Variants in SRSF11 observed in about 807,000 individuals in gnomAD.
SRSF11 encodes the protein serine and arginine rich splicing factor 11.
In SRSF11, 9 loss-of-function variants were observed where a neutral mutation model predicts 56.0. That is an observed-to-expected ratio of 0.16 (90% confidence interval 0.10 to 0.28). The LOEUF is 0.28. Ranked by LOEUF, SRSF11 falls within the 10% of genes least tolerant of loss-of-function variation. The probability of loss-of-function intolerance (pLI) is 1.00; values close to 1 mark genes in which losing one functional copy is unlikely to be tolerated. For synonymous variants in SRSF11, 222 were observed against 215.3 expected (o/e 1.03, Z -0.27); for missense variants, 421 against 600.7 (o/e 0.70, Z 3.13).
At chr1:70,244,846 G>C (rs1676369455) in intron 8 of SRSF11, 31 bp downstream of exon 8, 1 of 1,612,316 alleles carries the variant, frequency 6.2e-7, no homozygotes, top group African/African-American at 1.3e-5. Flanking sequence ...GCAAATTTTA[G>C]GGTTCCCAGT....
Position 70,250,655 on chromosome 1 carries a change from G to A in SRSF11, c.1305G>A (p.Glu435=). The change falls in exon 12 of 12, where the codon GAG becomes GAA. Residue 435 remains glutamate, a synonymous_variant. Coordinates refer to ENST00000370949, the MANE Select transcript of SRSF11 (RefSeq NM_001350605.2). ...AAGAGGAACAGGGGTATGACAGTGAGAAAGAGAAAAAAGAAGAGAAGAAAC... is the reference window on the plus strand; with the variant it reads ...AAGAGGAACAGGGGTATGACAGTGAAAAAGAGAAAAAAGAAGAGAAGAAAC... ...YDEEEQGYDS[E]KEKKEEKKPI... 6.2e-7 allele frequency: 1 copy of A among 1,613,862 alleles called. No individual in the cohort carries two copies. The highest frequency in any genetic ancestry group is 8.5e-7 in the Non-Finnish European group (1 of 1,179,928).
chr1:70,250,570 T>G (rs1253539539), intron 11 of SRSF11, 38 bp from the exon 12 acceptor site: 2 of 1,608,882 alleles, frequency 1.2e-6, no homozygotes, highest in South Asian at 2.2e-5. Flanking sequence ...GTTATTTTTC[T>G]TTGGAGAAGT....
intron 8 of SRSF11, among the ~76,000 whole-genome samples, chr1:70,245,380 A>G (rs1676514206): frequency 6.6e-6 from 1 of 152,198 alleles, no homozygotes; most frequent in African/African-American, 2.4e-5. Flanking sequence ...GAAGCATAAA[A>G]CTCAACTGAT....
rs183720002 is a variant in SRSF11, at chr1:70,221,617, G to T, written c.-20G>T. ...GTGTGTTTGATGTGTTAAAGCAGGA[G>T]CGAGAACCCGAGCAGCGCCATGAGC... On this transcript the variant is annotated 5_prime_UTR_variant, in exon 1 of 12. Transcript: ENST00000370949. 2.5e-6 allele frequency: 4 copies of T among 1,602,262 alleles called. No individual in the cohort carries two copies. Among genetic ancestry groups the T allele is most frequent in the East Asian group, 2.2e-5 (1 of 44,732 alleles).
intron 1 of SRSF11, among the ~76,000 whole-genome samples, chr1:70,206,863 TA>T (rs1669082754): frequency 6.7e-6 from 1 of 149,436 alleles, no homozygotes; most frequent in Admixed American, 6.7e-5. Context: ...GTTACCCTAC[TA>T]AAAAAGCAAA....
intron 2 of SRSF11, chr1:70,231,894 G>C: frequency 1.3e-6 from 2 of 1,517,358 alleles, no homozygotes. Flanking sequence ...TCATAAAACA[G>C]CTTTTGAAAG....
intron 2 of SRSF11, chr1:70,231,561 G>GT (rs1281414556): frequency 5.4e-6 from 6 of 1,104,770 alleles, no homozygotes; most frequent in East Asian, 1.4e-4. Context: ...GCATTTTACT[G>GT]TACAGGTAAG....
chr1:70,237,770 AGAT>A (rs1674448348), intron 6 of SRSF11, among the ~76,000 whole-genome samples: 2 of 152,256 alleles, frequency 1.3e-5, no homozygotes, highest in South Asian at 4.1e-4. Context: ...ACATGTTGCT[AGAT>A]ATCCTGCAAC....
At position 70,239,530 on chromosome 1, in the gene SRSF11, C is replaced by A; in HGVS notation, c.800+10C>A. 1 of 1,572,774 alleles carries A rather than the reference C, an allele frequency of 6.4e-7. No individual in the cohort carries two copies. Among genetic ancestry groups the A allele is most frequent in the Admixed American group, 2.0e-5 (1 of 50,996 alleles). On this transcript the variant is annotated intron_variant, in intron 7 of 11. Coordinates refer to ENST00000370949, the MANE Select transcript of SRSF11 (RefSeq NM_001350605.2). Reference sequence around the variant, plus strand: ...CATCTTCTAGACACAGGTTAGATTGCTTTTTAGTCAATTATACCTTAGACA... The same window carrying A: ...CATCTTCTAGACACAGGTTAGATTGATTTTTAGTCAATTATACCTTAGACA...
At chr1:70,249,000 A>G (rs1488936372) in intron 9 of SRSF11, 2 of 152,194 alleles carry the variant, frequency 1.3e-5, no homozygotes, top group Admixed American at 6.5e-5. Context: ...TCATTTGGAA[A>G]TTAGACAACT....
upstream of SRSF11, chr1:70,221,317 G>A (rs1031403978): frequency 8.8e-6 from 3 of 340,896 alleles, no homozygotes; most frequent in Non-Finnish European, 1.1e-5. Flanking sequence ...CTGGGCCTGC[G>A]CGGGGTGGAG....
In SRSF11 at chr1:70,221,573, C is replaced by T; in HGVS notation, c.-64C>T. On this transcript the variant is annotated 5_prime_UTR_variant, in exon 1 of 12. Transcript: ENST00000370949. Reference sequence around the variant, plus strand: ...TCCCGCAATCCGGTTCCTCTTCCCCCTCCTTCTCACTGTTTGTTGTGTGTT... The same window carrying T: ...TCCCGCAATCCGGTTCCTCTTCCCCTTCCTTCTCACTGTTTGTTGTGTGTT... 1 of 1,541,486 alleles carries T rather than the reference C, an allele frequency of 6.5e-7. No homozygotes were observed. Among genetic ancestry groups the T allele is most frequent in the Non-Finnish European group, 8.8e-7 (1 of 1,142,688 alleles).
intron 1 of SRSF11, among the ~76,000 whole-genome samples, chr1:70,225,266 C>CT (rs1409838036): frequency 6.6e-5 from 10 of 152,070 alleles, no homozygotes; most frequent in African/African-American, 1.7e-4. Context: ...AAAATGGATA[C>CT]TTTAATGGTT....
At chr1:70,241,994 C>T (rs562115585) in intron 7 of SRSF11, among the ~76,000 whole-genome samples, 65 of 152,130 alleles carry the variant, frequency 4.3e-4, no homozygotes, top group African/African-American at 1.5e-3. Context: ...TAGTGAAACC[C>T]CGTCTCTCCT....
At chr1:70,248,368 A>G (rs191132688) in intron 9 of SRSF11, 3 of 152,240 alleles carry the variant, frequency 2.0e-5, no homozygotes, top group Admixed American at 2.0e-4. Flanking sequence ...AACATCCATG[A>G]AAGGCCGTGT....
chr1:70,232,170 A>G lies in SRSF11; in HGVS notation c.338-98A>G, dbSNP rs567840402. ...TTAGCGAACATAAGTACTTTCAACA[A>G]ACTCAGGTGGTGTATCAGGGAGACA... On this transcript the variant is annotated intron_variant, in intron 2 of 11. Transcript: ENST00000370949. 4.4e-4 allele frequency: 705 copies of G among 1,592,310 alleles called. 8 individuals are homozygous for G. In the South Asian group the frequency reaches 7.6e-3, roughly 17 times the overall value.
chr1:70,208,857 TCTAA>T (rs1311323864), intron 1 of SRSF11, among the ~76,000 whole-genome samples: 2 of 152,202 alleles, frequency 1.3e-5, no homozygotes, highest in Admixed American at 1.3e-4. Context: ...AAGCAAAAAT[TCTAA>T]CTCTTTTTCA....
At position 70,251,090 on chromosome 1, in the gene SRSF11, A is replaced by G. The variant is rs1372027991; in HGVS notation, c.*285A>G. Reference sequence around the variant, plus strand: ...AAAATGAAAAGCTGCATGCATCTACAGCAGGCATGGATTGTTTATGTCGTA... The same window carrying G: ...AAAATGAAAAGCTGCATGCATCTACGGCAGGCATGGATTGTTTATGTCGTA... On this transcript the variant is annotated 3_prime_UTR_variant, in exon 12 of 12. Coordinates refer to ENST00000370949, the MANE Select transcript of SRSF11 (RefSeq NM_001350605.2). 1 of 341,934 alleles carries G rather than the reference A, an allele frequency of 2.9e-6. No individual in the cohort carries two copies. The highest frequency in any genetic ancestry group is 5.1e-5 in the East Asian group (1 of 19,470). 21.2% of individuals were successfully genotyped at this position (341,934 alleles called of 1,614,324 possible).
chr1:70,249,053 A>G (rs1677386216), intron 9 of SRSF11: 1 of 152,100 alleles, frequency 6.6e-6, no homozygotes. Flanking sequence ...GAGAATCAGG[A>G]ACAGAATTTT....
Sources: gnomAD v4.1 joint callset for allele counts (sites outside exome capture counted in the v4.1 genomes callset) on GRCh38, gnomAD v4.1.1 for gene constraint, MANE v1.5 for transcripts, NCBI Gene and HGNC (gene_info 2026-07-23, HGNC 2026-07-21) for gene names.